TRPM3: variants seen among roughly 807,000 people sequenced by gnomAD.
TRPM3 encodes the protein transient receptor potential cation channel subfamily M member 3, also known as long transient receptor potential channel 3.
A neutral mutation model predicts 181.2 loss-of-function variants in TRPM3; 77 were observed. The ratio of observed to expected loss-of-function variants is 0.42; its 90% CI spans 0.35 to 0.51. TRPM3 has a LOEUF of 0.51. TRPM3 is among the 20% of genes least tolerant of loss of function. TRPM3 has a pLI of 0.01. For synonymous variants in TRPM3, 745 were observed against 796.4 expected (o/e 0.94, Z 1.09); for missense variants, 1,759 against 2,196.7 (o/e 0.80, Z 3.98).
intron 1 of TRPM3, among the ~76,000 whole-genome samples, chr9:71,443,482 C>T (rs2094161665): frequency 6.6e-6 from 1 of 152,180 alleles, no homozygotes; most frequent in East Asian, 1.9e-4. Context: ...CACAGGGCAG[C>T]ACTGCTTCTG....
At chr9:70,957,380 T>G (rs1249892256) in intron 1 of TRPM3, among the ~76,000 whole-genome samples, 1 of 152,168 alleles carries the variant, frequency 6.6e-6, no homozygotes, top group Non-Finnish European at 1.5e-5. Flanking sequence ...TGAGCACTTA[T>G]GAAGCATCGA....
Position 70,535,926 on chromosome 9 carries a change from GC to G in TRPM3, c.*26del. The G allele has an allele frequency of 6.5e-7, 1 of 1,543,206 alleles. No individual in the cohort carries two copies. Among genetic ancestry groups the G allele is most frequent in the Non-Finnish European group, 8.7e-7 (1 of 1,148,138 alleles). ...GAGAATTTTAGGGCTGGATTCTTGA[GC>G]CTTCTGTGGCGGATATTAAGAAGGT... On this transcript the variant is annotated 3_prime_UTR_variant, in exon 26 of 26. Coordinates refer to ENST00000677713, the MANE Select transcript of TRPM3 (RefSeq NM_001366145.2).
intron 1 of TRPM3, among the ~76,000 whole-genome samples, chr9:71,036,703 T>G (rs969176145): frequency 2.6e-5 from 4 of 152,186 alleles, no homozygotes; most frequent in Admixed American, 6.5e-5. Context: ...ACGGCCAAGT[T>G]TGCATTAGTC....
intron 1 of TRPM3, among the ~76,000 whole-genome samples, chr9:71,202,680 T>C (rs1216047724): frequency 1.3e-5 from 2 of 152,204 alleles, no homozygotes; most frequent in African/African-American, 4.8e-5. Context: ...TCTTCCTCAC[T>C]GTAACATTTT....
chr9:70,616,181 CGTGT>C, intron 17 of TRPM3, 106 bp from the exon 18 acceptor site: 1 of 806,774 alleles, frequency 1.2e-6, no homozygotes, highest in Non-Finnish European at 1.9e-6. Context: ...AGAGTGTATG[CGTGT>C]GTGTGTGTAC....
chr9:70,660,432 A>G (rs1475319987), intron 9 of TRPM3, among the ~76,000 whole-genome samples: 1 of 152,060 alleles, frequency 6.6e-6, no homozygotes, highest in Admixed American at 6.6e-5. Context: ...CCTCTGCTTC[A>G]AGTTGTCCTG....
At chr9:70,630,270 C>T (rs1467148321) in intron 12 of TRPM3, among the ~76,000 whole-genome samples, 1 of 152,224 alleles carries the variant, frequency 6.6e-6, no homozygotes, top group Non-Finnish European at 1.5e-5. Flanking sequence ...ACAATAACTT[C>T]TAAGATTCTG....
At chr9:70,855,684 G>A (rs2132258395) in intron 3 of TRPM3, among the ~76,000 whole-genome samples, 1 of 152,270 alleles carries the variant, frequency 6.6e-6, no homozygotes, top group African/African-American at 2.4e-5. Flanking sequence ...TTTGAGAAAT[G>A]TAACAAGCAC....
At chr9:71,160,333 C>CA (rs2076218165) in intron 1 of TRPM3, among the ~76,000 whole-genome samples, 1 of 151,724 alleles carries the variant, frequency 6.6e-6, no homozygotes, top group African/African-American at 2.4e-5. Context: ...TTTCATAGCA[C>CA]ATCATCATCT....
At chr9:70,661,595 A>G (rs1169258852) in intron 9 of TRPM3, among the ~76,000 whole-genome samples, 1 of 152,170 alleles carries the variant, frequency 6.6e-6, no homozygotes, top group Non-Finnish European at 1.5e-5. Flanking sequence ...GTAAAGTCTC[A>G]GGATACAAAA....
At chr9:70,619,932 G>T in intron 16 of TRPM3, 144 bp downstream of exon 16, 1 of 741,146 alleles carries the variant, frequency 1.3e-6, no homozygotes, top group Non-Finnish European at 2.2e-6. Flanking sequence ...CAATAAAGGG[G>T]AATTGTTTGT....
intron 1 of TRPM3, among the ~76,000 whole-genome samples, chr9:71,302,475 T>C (rs774773200): frequency 1.2e-4 from 19 of 152,184 alleles, no homozygotes; most frequent in Non-Finnish European, 1.6e-4. Context: ...ATCAAATAAT[T>C]CTAAAATGCT....
intron 1 of TRPM3, among the ~76,000 whole-genome samples, chr9:70,986,039 C>G (rs1040922584): frequency 6.6e-6 from 1 of 152,096 alleles, no homozygotes; most frequent in Admixed American, 6.6e-5. Flanking sequence ...CTAGACAATT[C>G]TGTGGTTGCT....
At chr9:71,392,280 A>G (rs2093079915) in intron 1 of TRPM3, among the ~76,000 whole-genome samples, 1 of 152,074 alleles carries the variant, frequency 6.6e-6, no homozygotes, top group Admixed American at 6.6e-5. Flanking sequence ...TTAGAGAGAA[A>G]AGTAAGAGCC....
chr9:70,760,772 T>C (rs1179711977), intron 8 of TRPM3: 1 of 151,416 alleles, frequency 6.6e-6, no homozygotes, highest in African/African-American at 2.4e-5. Context: ...CTACCCAGAG[T>C]GGGTGATCCA....
chr9:71,015,244 G>T (rs185746998), intron 1 of TRPM3, among the ~76,000 whole-genome samples: 33 of 152,262 alleles, frequency 2.2e-4, no homozygotes, highest in South Asian at 1.0e-3. Flanking sequence ...TCAGTTGAAT[G>T]CTCTCAGTTC....
chr9:71,217,080 A>T (rs2079930907), intron 1 of TRPM3, among the ~76,000 whole-genome samples: 1 of 150,160 alleles, frequency 6.7e-6, no homozygotes, highest in African/African-American at 2.5e-5. Context: ...CCTCCCGAGT[A>T]GCTGGGACTA....
intron 1 of TRPM3, among the ~76,000 whole-genome samples, chr9:71,233,991 A>G (rs1159714496): frequency 6.6e-6 from 1 of 152,234 alleles, no homozygotes; most frequent in African/African-American, 2.4e-5. Flanking sequence ...GTAGTTTACA[A>G]TAACAATATA....
At chr9:71,395,910 G>GT (rs1398644526) in intron 1 of TRPM3, among the ~76,000 whole-genome samples, 1 of 152,168 alleles carries the variant, frequency 6.6e-6, no homozygotes, top group Non-Finnish European at 1.5e-5. Flanking sequence ...TACTGGGTAT[G>GT]AATTTGGGGA....
Sources: allele counts gnomAD v4.1 joint callset (sites outside exome capture counted in the v4.1 genomes callset), GRCh38; gene constraint gnomAD v4.1.1; transcripts MANE v1.5; gene names NCBI Gene and HGNC (gene_info 2026-07-23, HGNC 2026-07-21).